Variants in CHRM3 observed in about 807,000 individuals in gnomAD.
The protein encoded by CHRM3 is muscarinic acetylcholine receptor M3.
CHRM3 carries 11 observed loss-of-function variants against 41.8 expected under a neutral mutation model. The observed-to-expected ratio is 0.26, with a 90% CI of 0.17 to 0.44. The LOEUF (loss-of-function observed/expected upper bound fraction) is 0.44, where lower values mean the gene tolerates loss of function less well. Among genes scored for constraint, CHRM3 ranks in the 20% least tolerant of loss-of-function variants. The probability of loss-of-function intolerance (pLI) is 1.00; values close to 1 mark genes in which losing one functional copy is unlikely to be tolerated. For synonymous variants in CHRM3, 297 were observed against 301.4 expected, an observed-to-expected ratio of 0.99 and a Z score of 0.15; for missense variants, 571 against 745.4, an observed-to-expected ratio of 0.77 and a Z score of 2.72.
intron 3 of CHRM3, among the ~76,000 whole-genome samples, chr1:239,584,049 A>G (rs1428884364): frequency 6.6e-6 from 1 of 151,796 alleles, no homozygotes; most frequent in African/African-American, 2.4e-5. Context: ...CTGCACCACA[A>G]AATCAGAACA....
rs570474485 is a variant in CHRM3 at position 239,768,734 on chromosome 1, T to A, written c.-146-58518T>A. Among the ~76,000 whole-genome samples the A allele has an allele frequency of 3.3e-5, 5 of 151,858 alleles. 1 individual carries two copies. In the South Asian group the frequency reaches 1.0e-3, roughly 32 times the overall value. On this transcript the variant is annotated intron_variant, in intron 5 of 6. Coordinates refer to ENST00000676153, the MANE Select transcript of CHRM3 (RefSeq NM_001375978.1). ...CCATATCAGAAGTCTCTTCTTTGCC[T>A]TACTTCTCACTAGGAGCCAGAGTTA...
chr1:239,645,998 A>T (rs1040473754), intron 4 of CHRM3, among the ~76,000 whole-genome samples: 3 of 152,220 alleles, frequency 2.0e-5, no homozygotes. Context: ...TAACATTTGT[A>T]CTAAACAACA....
At chr1:239,858,334 T>C (rs1245936422) in intron 6 of CHRM3, among the ~76,000 whole-genome samples, 3 of 152,140 alleles carry the variant, frequency 2.0e-5, no homozygotes, top group South Asian at 2.1e-4. Flanking sequence ...CGGTTTTAGC[T>C]TTTATTGTCA....
intron 4 of CHRM3, among the ~76,000 whole-genome samples, chr1:239,653,350 T>C (rs181100770): frequency 2.0e-5 from 3 of 152,232 alleles, no homozygotes; most frequent in Admixed American, 2.0e-4. Context: ...GATAAGATAC[T>C]GAGGGTTGGG....
intron 3 of CHRM3, among the ~76,000 whole-genome samples, chr1:239,611,701 G>A (rs61836584): frequency 1.8e-3 from 280 of 152,212 alleles, no homozygotes; most frequent in Admixed American, 3.9e-3. Context: ...TTACAGGCAT[G>A]AGCCACCGCA....
At chr1:239,876,583 T>C (rs951749301) in intron 6 of CHRM3, among the ~76,000 whole-genome samples, 9 of 152,170 alleles carry the variant, frequency 5.9e-5, no homozygotes, top group Admixed American at 2.0e-4. Flanking sequence ...TTCATAGATA[T>C]ACATCTCCAC....
chr1:239,492,135 A>T (rs993033802), intron 1 of CHRM3, among the ~76,000 whole-genome samples: 4 of 152,204 alleles, frequency 2.6e-5, no homozygotes, highest in Admixed American at 6.5e-5. Flanking sequence ...ACAGAACAAG[A>T]ACTTGAGCCC....
intron 5 of CHRM3, among the ~76,000 whole-genome samples, chr1:239,812,686 T>G (rs1004676741): frequency 6.6e-6 from 1 of 152,326 alleles, no homozygotes; most frequent in Non-Finnish European, 1.5e-5. Flanking sequence ...TATCCATTTA[T>G]CATGCAAAAT....
chr1:239,442,348 C>T (rs543918122), intron 1 of CHRM3, among the ~76,000 whole-genome samples: 1 of 152,242 alleles, frequency 6.6e-6, no homozygotes, highest in South Asian at 2.1e-4. Flanking sequence ...CTCAGGCAAT[C>T]CACCCGTCTC....
At chr1:239,795,309 A>G (rs1458562163) in intron 5 of CHRM3, among the ~76,000 whole-genome samples, 1 of 152,194 alleles carries the variant, frequency 6.6e-6, no homozygotes, top group African/African-American at 2.4e-5. Flanking sequence ...ATTTTAATTG[A>G]CGATCCTTAA....
chr1:239,478,096 AC>A (rs1472680490), intron 1 of CHRM3, among the ~76,000 whole-genome samples: 1 of 152,184 alleles, frequency 6.6e-6, no homozygotes, highest in Non-Finnish European at 1.5e-5. Flanking sequence ...CAATGTGGAA[AC>A]CAGTTGAGTG....
chr1:239,746,692 T>C (rs1410686693), intron 5 of CHRM3, among the ~76,000 whole-genome samples: 1 of 152,212 alleles, frequency 6.6e-6, no homozygotes, highest in Admixed American at 6.5e-5. Context: ...GGATTTCTTT[T>C]GTCTGTTTGC....
intron 5 of CHRM3, among the ~76,000 whole-genome samples, chr1:239,753,037 G>A (rs1299171332): frequency 6.6e-6 from 1 of 152,086 alleles, no homozygotes; most frequent in Admixed American, 6.6e-5. Flanking sequence ...AGAACTATTT[G>A]GGTAATCTGC....
Position 239,522,374 on chromosome 1 carries a change from G to T in CHRM3, c.-421-23267G>T, listed in dbSNP as rs979545722. Among the ~76,000 whole-genome samples, 4 of 152,284 alleles carry T rather than the reference G, an allele frequency of 2.6e-5. No individual in the cohort carries two copies. In the South Asian group the frequency reaches 8.3e-4, roughly 32 times the overall value. On this transcript the variant is annotated intron_variant, in intron 2 of 6. Coordinates refer to ENST00000676153, the MANE Select transcript of CHRM3 (RefSeq NM_001375978.1). Reference sequence around the variant, plus strand: ...TGTGAGTGAGCCTCTTGGAAGCTGGGGCCAGAGTCCCACCCAATCCCTTAG... The same window carrying T: ...TGTGAGTGAGCCTCTTGGAAGCTGGTGCCAGAGTCCCACCCAATCCCTTAG...
intron 2 of CHRM3, among the ~76,000 whole-genome samples, chr1:239,507,291 G>T (rs1668636813): frequency 2.0e-5 from 3 of 152,146 alleles, no homozygotes; most frequent in South Asian, 4.1e-4. Flanking sequence ...GGAGGTAATT[G>T]AATCACTGGG....
chr1:239,709,567 C>T (rs948219995), intron 5 of CHRM3, among the ~76,000 whole-genome samples: 6 of 151,980 alleles, frequency 3.9e-5, no homozygotes, highest in South Asian at 2.1e-4. Context: ...GGGTTCCATA[C>T]GTGTTGAGAA....
At chr1:239,828,641 G>A (rs185938031) in intron 6 of CHRM3, among the ~76,000 whole-genome samples, 2 of 152,236 alleles carry the variant, frequency 1.3e-5, no homozygotes, top group African/African-American at 2.4e-5. Context: ...GAGTATTCCC[G>A]GAACAGCATA....
chr1:239,557,475 A>G (rs1660471427), intron 3 of CHRM3, among the ~76,000 whole-genome samples: 2 of 152,250 alleles, frequency 1.3e-5, no homozygotes, highest in Non-Finnish European at 2.9e-5. Context: ...AAATCCAGAC[A>G]CTTATTTTAT....
chr1:239,695,120 T>G (rs1572010956), intron 5 of CHRM3, among the ~76,000 whole-genome samples: 1 of 152,138 alleles, frequency 6.6e-6, no homozygotes, highest in African/African-American at 2.4e-5. Context: ...AAGAGATTCT[T>G]CTGCCTCAGC....
Sources: gnomAD v4.1 joint callset for allele counts (sites outside exome capture counted in the v4.1 genomes callset) on GRCh38, gnomAD v4.1.1 for gene constraint, MANE v1.5 for transcripts, NCBI Gene and HGNC (gene_info 2026-07-23, HGNC 2026-07-21) for gene names.